MXI1: variants seen among roughly 807,000 people sequenced by gnomAD.
MXI1 encodes the protein MAX interactor 1, dimerization protein.
In MXI1, 18 loss-of-function variants were observed where a neutral mutation model predicts 36.9. That is an observed-to-expected ratio of 0.49 (90% CI 0.34 to 0.72). The LOEUF is 0.72. Ranked by LOEUF, MXI1 falls within the 30% of genes least tolerant of loss-of-function variation. The pLI, the probability that MXI1 is intolerant of heterozygous loss-of-function variation, is 0.01. For missense variants in MXI1, 304 were observed against 379.1 expected, an observed-to-expected ratio of 0.80 and a Z score of 1.64; for synonymous variants, 160 against 146.7, an observed-to-expected ratio of 1.09 and a Z score of -0.65.
intron 2 of MXI1, among the ~76,000 whole-genome samples, chr10:110,238,589 C>T (rs1435330647): frequency 1.3e-5 from 2 of 151,888 alleles, no homozygotes; most frequent in African/African-American, 4.8e-5. Context: ...GGAAAATGTT[C>T]CCTCTCTCTT....
chr10:110,263,066 G>C (rs1293834383), intron 3 of MXI1, among the ~76,000 whole-genome samples: 1 of 152,090 alleles, frequency 6.6e-6, no homozygotes, highest in Non-Finnish European at 1.5e-5. Context: ...CTTTGTATCT[G>C]ACACGGTGCC....
At chr10:110,257,791 C>A in intron 3 of MXI1, 1 of 344,346 alleles carries the variant, frequency 2.9e-6, no homozygotes. Flanking sequence ...TTTATAAGAA[C>A]CAGTGGAAAG....
At chr10:110,237,283 C>G (rs1303743088) in intron 2 of MXI1, among the ~76,000 whole-genome samples, 1 of 152,152 alleles carries the variant, frequency 6.6e-6, no homozygotes, top group Non-Finnish European at 1.5e-5. Context: ...TGTTCCTGAT[C>G]TTATGAAAAA....
chr10:110,250,632 G>A (rs1856043693), intron 3 of MXI1, among the ~76,000 whole-genome samples: 1 of 151,970 alleles, frequency 6.6e-6, no homozygotes, highest in African/African-American at 2.4e-5. Flanking sequence ...AGGAGTTTGA[G>A]ACTAGCAGGG....
intron 3 of MXI1, among the ~76,000 whole-genome samples, chr10:110,262,959 A>G (rs1029903693): frequency 5.9e-5 from 9 of 152,288 alleles, no homozygotes; most frequent in Admixed American, 3.9e-4. Flanking sequence ...ATTTTAACCC[A>G]TACTACTTTA....
At chr10:110,223,874 C>G (rs1318865068) in intron 1 of MXI1, among the ~76,000 whole-genome samples, 1 of 150,948 alleles carries the variant, frequency 6.6e-6, no homozygotes, top group Non-Finnish European at 1.5e-5. Flanking sequence ...CATTTTGGGT[C>G]TGCTTGCATT....
intron 3 of MXI1, among the ~76,000 whole-genome samples, chr10:110,271,267 G>T (rs1856844294): frequency 6.6e-6 from 1 of 152,064 alleles, no homozygotes; most frequent in Non-Finnish European, 1.5e-5. Context: ...TCTCACAAAT[G>T]CTGGCCTGGC....
chr10:110,222,819 T>C (rs1472979126), intron 1 of MXI1, among the ~76,000 whole-genome samples: 3 of 152,122 alleles, frequency 2.0e-5, no homozygotes, highest in Non-Finnish European at 4.4e-5. Flanking sequence ...TGAGGGATGG[T>C]TTGTGGGTAG....
intron 2 of MXI1, among the ~76,000 whole-genome samples, chr10:110,238,564 C>T (rs768323369): frequency 2.0e-5 from 3 of 152,066 alleles, no homozygotes; most frequent in African/African-American, 4.8e-5. Flanking sequence ...TAATACTGGT[C>T]TCATAAAATG....
At chr10:110,215,660 C>T (rs537658172) in intron 1 of MXI1, among the ~76,000 whole-genome samples, 130 of 152,330 alleles carry the variant, frequency 8.5e-4, no homozygotes, top group African/African-American at 3.0e-3. Flanking sequence ...AAGGTCATTG[C>T]AACATTCTCA....
Position 110,285,001 on chromosome 10 carries a change from A to G in MXI1, c.*14A>G, listed in dbSNP as rs372796107. The G allele has an allele frequency of 4.7e-5, 75 of 1,602,564 alleles. No homozygotes were observed. In the African/African-American group the frequency reaches 6.1e-4, roughly 13 times the overall value. On this transcript the variant is annotated 3_prime_UTR_variant, in exon 6 of 6. Coordinates refer to ENST00000332674, the MANE Select transcript of MXI1 (RefSeq NM_130439.3). ...TTCACTTCATAGAACCCAGCATGAC[A>G]TAACAGTGCAGGGCAAAATATTCAC...
intron 2 of MXI1, among the ~76,000 whole-genome samples, chr10:110,231,366 C>CG: frequency 6.7e-6 from 1 of 150,150 alleles, no homozygotes; most frequent in South Asian, 2.2e-4. Context: ...TAATCCACCC[C>CG]CCCCCCCTCA....
At chr10:110,250,272 A>G (rs896211348) in intron 3 of MXI1, among the ~76,000 whole-genome samples, 1 of 152,176 alleles carries the variant, frequency 6.6e-6, no homozygotes, top group East Asian at 1.9e-4. Context: ...TAGGCCCACA[A>G]CAGGTCATAA....
chr10:110,217,983 C>A (rs76755938), intron 1 of MXI1, among the ~76,000 whole-genome samples: 7,894 of 152,214 alleles, frequency 0.052, 317 homozygotes, highest in Middle Eastern at 0.15. Context: ...GCTATAATAA[C>A]CCTCATGTTG....
chr10:110,269,494 C>T (rs1006411697), intron 3 of MXI1, among the ~76,000 whole-genome samples: 8 of 152,138 alleles, frequency 5.3e-5, no homozygotes, highest in African/African-American at 1.7e-4. Flanking sequence ...AACAGTATTT[C>T]GTCATTTCCC....
At chr10:110,250,243 T>C (rs1856028602) in intron 3 of MXI1, among the ~76,000 whole-genome samples, 1 of 152,178 alleles carries the variant, frequency 6.6e-6, no homozygotes, top group Non-Finnish European at 1.5e-5. Context: ...TTGTTACCTA[T>C]GTACCAACCC....
Position 110,285,771 on chromosome 10 carries a change from T to A in MXI1, c.*784T>A, listed in dbSNP as rs553873004. ...ATCCTACAAGGCCTATGAGTATGGATTGGGGGGGCCAAAAGGAAAAAGCTC... is the reference window on the plus strand; with the variant it reads ...ATCCTACAAGGCCTATGAGTATGGAATGGGGGGGCCAAAAGGAAAAAGCTC... On this transcript the variant is annotated 3_prime_UTR_variant, in exon 6 of 6. Coordinates refer to ENST00000332674, the MANE Select transcript of MXI1 (RefSeq NM_130439.3). The A allele has an allele frequency of 4.6e-5, 7 of 152,294 alleles. No homozygotes were observed. The highest frequency in any genetic ancestry group is 1.7e-4 in the African/African-American group (7 of 41,430). The allele number at this position is 152,294 out of a possible 1,614,324, so 9.4% of individuals were successfully genotyped here.
At chr10:110,261,182 A>T (rs1313873030) in intron 3 of MXI1, 1 of 967,824 alleles carries the variant, frequency 1.0e-6, no homozygotes, top group Non-Finnish European at 1.2e-6. Context: ...AACCATTTAG[A>T]CAATAAAAGT....
intron 3 of MXI1, among the ~76,000 whole-genome samples, chr10:110,258,602 A>G (rs1365194571): frequency 6.6e-6 from 1 of 152,148 alleles, no homozygotes; most frequent in Non-Finnish European, 1.5e-5. Context: ...TTCTATAGGG[A>G]TAGGAATACT....
Sources: allele counts gnomAD v4.1 joint callset (sites outside exome capture counted in the v4.1 genomes callset), GRCh38; gene constraint gnomAD v4.1.1; transcripts MANE v1.5; gene names NCBI Gene and HGNC (gene_info 2026-07-23, HGNC 2026-07-21).